ASIC2: variants seen among roughly 807,000 people sequenced by gnomAD.
ASIC2 encodes acid sensing ion channel subunit 2.
In ASIC2, 25 loss-of-function variants were observed where a neutral mutation model predicts 57.3. The observed-to-expected ratio is 0.44, with a 90% CI of 0.32 to 0.61. The LOEUF (loss-of-function observed/expected upper bound fraction) is 0.61. Among genes scored for constraint, ASIC2 ranks in the 20% least tolerant of loss-of-function variants. The probability of loss-of-function intolerance (pLI) is 0.06; values close to 1 mark genes in which losing one functional copy is unlikely to be tolerated. For synonymous variants in ASIC2, 319 were observed against 307.5 expected (o/e 1.04, Z -0.39); for missense variants, 641 against 738.1 (o/e 0.87, Z 1.52).
chr17:33,874,058 G>A (rs375132498), intron 1 of ASIC2, among the ~76,000 whole-genome samples: 16 of 152,104 alleles, frequency 1.1e-4, no homozygotes, highest in East Asian at 5.8e-4. Context: ...CCACGTCTTC[G>A]GGCTTGGCCT....
chr17:33,423,545 G>C (rs1000813467), intron 1 of ASIC2, among the ~76,000 whole-genome samples: 2 of 152,210 alleles, frequency 1.3e-5, no homozygotes, highest in Non-Finnish European at 2.9e-5. Context: ...TTCAGACTTA[G>C]CTTTTTGTCC....
Position 34,156,499 on chromosome 17 carries a change from G to T in ASIC2, c.34C>A (p.Leu12Met), listed in dbSNP as rs1326045051. ...AAGATCTGGATGCTAGAAGGTTGCA[G>T]GCTGCCCTCACTGGGGCTTTCCTTG... Residue 12 changes from leucine (L) to methionine (M), a missense_variant, in exon 1 of 10, where the codon CTG becomes ATG. By Grantham distance (15) the Leu-to-Met change is conservative. Transcript: ENST00000359872. This position sits in a 1 kb window ranked among gnomAD's most constrained non-coding sequence, Gnocchi z 4.4. 1.2e-6 allele frequency: 2 copies of T among 1,607,704 alleles called. No individual in the cohort carries two copies. The highest frequency in any genetic ancestry group is 4.5e-5 in the East Asian group (2 of 44,682).
intron 1 of ASIC2, among the ~76,000 whole-genome samples, chr17:34,047,936 A>C (rs2189329): frequency 0.19 from 29,469 of 152,184 alleles, 3,728 homozygotes; most frequent in African/African-American, 0.35. Flanking sequence ...TCAGAAGGAA[A>C]CATTATACAA....
intron 1 of ASIC2, among the ~76,000 whole-genome samples, chr17:33,916,005 T>C (rs1915576554): frequency 1.3e-5 from 2 of 152,134 alleles, no homozygotes; most frequent in Non-Finnish European, 2.9e-5. Context: ...TACCACAGGG[T>C]GTTTCTTCCT....
At chr17:33,040,885 G>A (rs193107384) in intron 3 of ASIC2, among the ~76,000 whole-genome samples, 6 of 152,296 alleles carry the variant, frequency 3.9e-5, no homozygotes, top group Admixed American at 3.9e-4. Context: ...CTGTTACCTT[G>A]TTGGGGGCCT....
At chr17:33,992,475 C>A (rs1906028911) in intron 1 of ASIC2, among the ~76,000 whole-genome samples, 1 of 152,186 alleles carries the variant, frequency 6.6e-6, no homozygotes, top group African/African-American at 2.4e-5. Context: ...CAACAGCCTT[C>A]ATTTGGGATT....
intron 1 of ASIC2, among the ~76,000 whole-genome samples, chr17:33,203,434 C>T (rs1264098054): frequency 6.6e-6 from 1 of 152,162 alleles, no homozygotes; most frequent in African/African-American, 2.4e-5. Context: ...GAAACTGGAC[C>T]TCTGTAGAAT....
intron 1 of ASIC2, among the ~76,000 whole-genome samples, chr17:33,566,143 G>T (rs746017078): frequency 6.6e-6 from 1 of 152,192 alleles, no homozygotes; most frequent in African/African-American, 2.4e-5. Flanking sequence ...CTTTTGTCAG[G>T]AGGGCTTATA....
At chr17:33,310,498 A>G (rs1262181058) in intron 1 of ASIC2, among the ~76,000 whole-genome samples, 1 of 152,156 alleles carries the variant, frequency 6.6e-6, no homozygotes, top group Non-Finnish European at 1.5e-5. Flanking sequence ...TCAGGAGATG[A>G]ATGTGCATTG....
At chr17:33,452,604 A>T (rs930112318) in intron 1 of ASIC2, among the ~76,000 whole-genome samples, 1 of 152,182 alleles carries the variant, frequency 6.6e-6, no homozygotes. Flanking sequence ...ACAGAATGGG[A>T]ACAAAGTGGA....
intron 1 of ASIC2, among the ~76,000 whole-genome samples, chr17:33,840,458 C>A (rs1297211773): frequency 6.6e-6 from 1 of 152,210 alleles, no homozygotes; most frequent in Non-Finnish European, 1.5e-5. Context: ...GCACCGTATA[C>A]TCTGGGAATA....
chr17:33,161,136 T>G (rs1905148629), intron 1 of ASIC2, among the ~76,000 whole-genome samples: 1 of 152,128 alleles, frequency 6.6e-6, no homozygotes, highest in African/African-American at 2.4e-5. Flanking sequence ...GGTGAAAGAA[T>G]CAGGAATTGG....
At chr17:33,602,602 A>G (rs1216845054) in intron 1 of ASIC2, among the ~76,000 whole-genome samples, 2 of 152,208 alleles carry the variant, frequency 1.3e-5, no homozygotes, top group African/African-American at 4.8e-5. Context: ...CAAAATAAAT[A>G]GATGCCCCCA....
chr17:33,466,675 C>T (rs1164395468), intron 1 of ASIC2, among the ~76,000 whole-genome samples: 1 of 152,068 alleles, frequency 6.6e-6, no homozygotes, highest in Non-Finnish European at 1.5e-5. Flanking sequence ...AAAACAGAGG[C>T]CTCAGAAATA....
chr17:33,130,453 A>G (rs1249680606), intron 1 of ASIC2, among the ~76,000 whole-genome samples: 1 of 152,218 alleles, frequency 6.6e-6, no homozygotes, highest in African/African-American at 2.4e-5. Context: ...TTTCATACCA[A>G]AACACATACA....
intron 1 of ASIC2, among the ~76,000 whole-genome samples, chr17:33,320,267 CT>C (rs1906819048): frequency 6.6e-6 from 1 of 152,120 alleles, no homozygotes; most frequent in Non-Finnish European, 1.5e-5. Flanking sequence ...AGGAGAAGCT[CT>C]GTTACTGTCT....
chr17:33,059,006 A>G (rs992904884), intron 3 of ASIC2, among the ~76,000 whole-genome samples: 20 of 152,198 alleles, frequency 1.3e-4, no homozygotes, highest in African/African-American at 4.6e-4. Flanking sequence ...CACTTCCAAC[A>G]TAATGTTGAA....
intron 1 of ASIC2, among the ~76,000 whole-genome samples, chr17:33,860,522 A>T (rs1914076580): frequency 6.6e-6 from 1 of 152,172 alleles, no homozygotes; most frequent in Non-Finnish European, 1.5e-5. Flanking sequence ...CCAATGGTTG[A>T]CTTTTCCATG....
At chr17:33,155,230 C>G (rs1904952053) in intron 1 of ASIC2, among the ~76,000 whole-genome samples, 1 of 152,276 alleles carries the variant, frequency 6.6e-6, no homozygotes, top group African/African-American at 2.4e-5. Flanking sequence ...TGGCTGACCA[C>G]GGCTGTTCCT....
Sources: gnomAD v4.1 joint callset for allele counts (sites outside exome capture counted in the v4.1 genomes callset) on GRCh38, gnomAD v4.1.1 for gene constraint, Gnocchi (gnomAD v3.1) non-coding constraint, MANE v1.5 for transcripts, NCBI Gene and HGNC (gene_info 2026-07-23, HGNC 2026-07-21) for gene names.